Variants in CEP164 observed in about 807,000 individuals in gnomAD.
CEP164 encodes centrosomal protein of 164 kDa.
CEP164 carries 162 observed loss-of-function variants against 182.7 expected under a neutral mutation model. The observed-to-expected ratio is 0.89, with a 90% CI of 0.78 to 1.01. CEP164 has a LOEUF of 1.01. Among genes scored for constraint, CEP164 ranks in the 50% least tolerant of loss-of-function variants. The probability of loss-of-function intolerance (pLI) is 0.00; values close to 1 mark genes in which losing one functional copy is unlikely to be tolerated. For synonymous variants in CEP164, 661 were observed against 690.0 expected (o/e 0.96, Z 0.66); for missense variants, 1,735 against 1,790.4 (o/e 0.97, Z 0.56).
chr11:117,346,541 G>C (rs2038926431), intron 4 of CEP164, among the ~76,000 whole-genome samples: 1 of 150,760 alleles, frequency 6.6e-6, no homozygotes, highest in African/African-American at 2.4e-5. Flanking sequence ...ACAGGCGTGA[G>C]CCACCACGCC....
rs775044441 is a variant in CEP164 at position 117,387,261 on chromosome 11, A to G, written c.1783A>G (p.Met595Val). The G allele has an allele frequency of 1.1e-5, 17 of 1,614,110 alleles. No individual in the cohort carries two copies. Among genetic ancestry groups the G allele is most frequent in the Non-Finnish European group, 1.4e-5 (16 of 1,180,036 alleles). Reference protein sequence around the residue: ...EQLSEAALKAMEEAVAQVLEQ... With the variant: ...EQLSEAALKAVEEAVAQVLEQ... ...GCTCTCAGAGGCTGCACTAAAGGCC[A>G]TGGAAGAGGCAGTGGCCCAAGTACT... is the stretch of plus-strand genomic sequence containing the variant. Residue 595 changes from methionine (M) to valine (V), a missense_variant, in exon 15 of 33, where the codon ATG (methionine) becomes GTG (valine). Coordinates refer to ENST00000278935, the MANE Select transcript of CEP164 (RefSeq NM_014956.5).
At chr11:117,345,070 C>T (rs962390229) in intron 4 of CEP164, among the ~76,000 whole-genome samples, 1 of 152,174 alleles carries the variant, frequency 6.6e-6, no homozygotes, top group Non-Finnish European at 1.5e-5. Context: ...ACACTTGGCT[C>T]TGCCATATCT....
At position 117,395,699 on chromosome 11, in the gene CEP164, C is replaced by G; in HGVS notation, c.3066C>G (p.Ser1022Arg). Residue 1022 changes from serine (S) to arginine (R), a missense_variant, in exon 24 of 33, where the codon AGC becomes AGG. Coordinates refer to ENST00000278935, the MANE Select transcript of CEP164 (RefSeq NM_014956.5). ...ESQVDLLQAQ[S>R]QQLQKHFSSL... is the part of the protein sequence containing the mutation. ...AAGTGGATCTGCTGCAGGCTCAGAG[C>G]CAGCAACTGCAGAAACACTTCAGGT... 1 of 1,611,988 alleles carries G rather than the reference C, an allele frequency of 6.2e-7. No individual in the cohort carries two copies. Among genetic ancestry groups the G allele is most frequent in the Non-Finnish European group, 8.5e-7 (1 of 1,179,488 alleles).
At chr11:117,331,186 G>T (rs1319139094) in intron 1 of CEP164, among the ~76,000 whole-genome samples, 1 of 152,212 alleles carries the variant, frequency 6.6e-6, no homozygotes. Flanking sequence ...ACAGGGCAAG[G>T]TAGCCACAAT....
At chr11:117,383,278 T>C (rs767385589) in intron 14 of CEP164, among the ~76,000 whole-genome samples, 7 of 152,202 alleles carry the variant, frequency 4.6e-5, no homozygotes, top group Non-Finnish European at 8.8e-5. Context: ...AAAAATGTTG[T>C]TGAGGTATGT....
rs561298323 is a variant in CEP164 at position 117,361,739 on chromosome 11, G to A, written c.394-96G>A. 82 of 1,290,678 alleles carry A rather than the reference G, an allele frequency of 6.4e-5. No individual in the cohort carries two copies. In the South Asian group the frequency reaches 6.7e-4, roughly 10 times the overall value. 80.0% of individuals were successfully genotyped at this position (1,290,678 alleles called of 1,614,324 possible). Reference sequence around the variant, plus strand: ...GAGCGGAGGTGGTTTAAATTTGAGCGTGCAGGATTTAGATGTTTTATTTTT... The same window carrying A: ...GAGCGGAGGTGGTTTAAATTTGAGCATGCAGGATTTAGATGTTTTATTTTT... On this transcript the variant is annotated intron_variant, in intron 5 of 32. Coordinates refer to ENST00000278935, the MANE Select transcript of CEP164 (RefSeq NM_014956.5).
intron 26 of CEP164, 113 bp from the exon 27 acceptor site, chr11:117,396,977 GC>G (rs1225096427): frequency 2.1e-6 from 2 of 942,218 alleles, no homozygotes; most frequent in Admixed American, 2.7e-5. Flanking sequence ...CCCAGCCCTA[GC>G]CCAGCAGCTC....
chr11:117,377,963 G>A (rs971135342), intron 11 of CEP164, among the ~76,000 whole-genome samples: 2 of 151,790 alleles, frequency 1.3e-5, no homozygotes, highest in African/African-American at 2.4e-5. Context: ...GGGTTCAAGC[G>A]ATTCTCCTGT....
At chr11:117,351,690 C>G in intron 4 of CEP164, 100 bp from the exon 5 acceptor site, 2 of 1,098,174 alleles carry the variant, frequency 1.8e-6, no homozygotes, top group Non-Finnish European at 1.3e-6. Context: ...CTCTCTTCCT[C>G]CTCTTTCACC....
chr11:117,389,432 A>G (rs1285475774), intron 15 of CEP164, among the ~76,000 whole-genome samples: 3 of 152,214 alleles, frequency 2.0e-5, no homozygotes, highest in African/African-American at 7.2e-5. Context: ...TTAAGCACCT[A>G]CTTTATGTCA....
intron 1 of CEP164, among the ~76,000 whole-genome samples, chr11:117,329,230 G>A (rs1019348135): frequency 6.6e-6 from 1 of 152,034 alleles, no homozygotes; most frequent in Non-Finnish European, 1.5e-5. Context: ...CTTAGTAGAC[G>A]GGACTACAGG....
chr11:117,348,560 G>A (rs1446663659), intron 4 of CEP164, among the ~76,000 whole-genome samples: 12 of 152,104 alleles, frequency 7.9e-5, no homozygotes, highest in Admixed American at 7.9e-4. Context: ...CCAGTCACAT[G>A]TCTTTTAATT....
intron 1 of CEP164, among the ~76,000 whole-genome samples, chr11:117,330,076 C>G (rs559154869): frequency 2.6e-5 from 4 of 151,958 alleles, no homozygotes; most frequent in African/African-American, 9.7e-5. Flanking sequence ...GTTCCTCTGC[C>G]GTGAATTCCC....
intron 2 of CEP164, chr11:117,336,528 G>C: frequency 6.5e-7 from 1 of 1,531,148 alleles, no homozygotes; most frequent in South Asian, 1.2e-5. Flanking sequence ...CTGGGGGAAA[G>C]GGTGGATTGA....
chr11:117,397,972 C>A (rs1475796214), intron 27 of CEP164, among the ~76,000 whole-genome samples: 1 of 152,132 alleles, frequency 6.6e-6, no homozygotes, highest in Non-Finnish European at 1.5e-5. Context: ...AGCATTAACC[C>A]AAAAGTCCAC....
rs201819583 is a variant in CEP164 at position 117,392,481 on chromosome 11, C to T, written c.2362-15C>T. On this transcript the variant is annotated splice_polypyrimidine_tract_variant and intron_variant, in intron 18 of 32. Transcript: ENST00000278935. ...TGAGGGTCACACTCCCCTGTGTGTGCGGGGGCCTCCTCAGGTGGTCTCCAG... is the reference window on the plus strand; with the variant it reads ...TGAGGGTCACACTCCCCTGTGTGTGTGGGGGCCTCCTCAGGTGGTCTCCAG... 1,441 of 1,609,634 alleles carry T rather than the reference C, an allele frequency of 9.0e-4. 2 individuals carry two copies. Among genetic ancestry groups the T allele is most frequent in the Non-Finnish European group, 8.7e-4 (1,023 of 1,177,936 alleles).
In CEP164 at chr11:117,339,522, G is replaced by GTTTTTTT. The variant is rs61258101; in HGVS notation, c.82+872_82+878dup. On this transcript the variant is annotated intron_variant, in intron 3 of 32. Transcript: ENST00000278935. ...CTTATTACCTTTTCCTTTGTTTTTTGTTTTTTTTTTTTTTTTTTTTTTTTG... is the reference window on the plus strand; with the variant it reads ...CTTATTACCTTTTCCTTTGTTTTTTGTTTTTTTTTTTTTTTTTTTTTTTTTTTTTTTG... Among the ~76,000 whole-genome samples the GTTTTTTT allele has an allele frequency of 5.9e-3, 332 of 56,202 alleles. 1 individual carries two copies. The highest frequency in any genetic ancestry group is 7.8e-3 in the Non-Finnish European group (254 of 32,446). The allele number at this position is 56,202 out of a possible 152,430, so 36.9% of individuals were successfully genotyped here. A position where few individuals can be genotyped will look rare whatever the true frequency, so the allele number is the denominator to read the frequency against.
chr11:117,357,613 A>T (rs2040455241), intron 5 of CEP164, among the ~76,000 whole-genome samples: 3 of 151,642 alleles, frequency 2.0e-5, no homozygotes. Context: ...GCAGAGACGG[A>T]GTTTTGTCAT....
chr11:117,338,581 TG>T lies in CEP164; in HGVS notation c.-5del. On this transcript the variant is annotated 5_prime_UTR_variant, in exon 3 of 33. An upstream start codon of the reference 5' UTR is lost. Coordinates refer to ENST00000278935, the MANE Select transcript of CEP164 (RefSeq NM_014956.5). The stretch of plus-strand genomic sequence containing the variant: ...TGGGATCTAGGTGTTTGAGCCCAGA[TG>T]AGTCATGGCTGGACGACCCCTCCGC... 1.2e-6 allele frequency: 2 copies of T among 1,613,726 alleles called. No individual in the cohort carries two copies. Among genetic ancestry groups the T allele is most frequent in the Non-Finnish European group, 1.7e-6 (2 of 1,179,616 alleles).
Sources: allele counts gnomAD v4.1 joint callset (sites outside exome capture counted in the v4.1 genomes callset), GRCh38; gene constraint gnomAD v4.1.1; transcripts MANE v1.5; gene names NCBI Gene and HGNC (gene_info 2026-07-23, HGNC 2026-07-21).